MAPKAP1: variants seen among roughly 807,000 people sequenced by gnomAD.
MAPKAP1 encodes the protein target of rapamycin complex 2 subunit MAPKAP1.
In MAPKAP1, 20 loss-of-function variants were observed where a neutral mutation model predicts 65.7. The ratio of observed to expected loss-of-function variants is 0.30; its 90% CI spans 0.21 to 0.44. MAPKAP1 has a LOEUF of 0.44. Among genes scored for constraint, MAPKAP1 ranks in the 20% least tolerant of loss-of-function variants. The pLI is 1.00. For missense variants in MAPKAP1, 423 were observed against 648.0 expected (o/e 0.65, Z 3.77); for synonymous variants, 222 against 244.3 (o/e 0.91, Z 0.85).
intron 3 of MAPKAP1, among the ~76,000 whole-genome samples, chr9:125,665,336 T>G (rs781477781): frequency 6.6e-6 from 1 of 151,778 alleles, no homozygotes; most frequent in Non-Finnish European, 1.5e-5. Flanking sequence ...AAAAAAGAAA[T>G]AAATAAACTT....
At chr9:125,676,040 CA>C (rs1178069281) in intron 1 of MAPKAP1, among the ~76,000 whole-genome samples, 1 of 152,124 alleles carries the variant, frequency 6.6e-6, no homozygotes, top group Non-Finnish European at 1.5e-5. Context: ...CAAGGACATA[CA>C]TATCACGGAT....
chr9:125,459,389 C>G (rs1343871623), intron 10 of MAPKAP1, among the ~76,000 whole-genome samples: 1 of 151,406 alleles, frequency 6.6e-6, no homozygotes, highest in Non-Finnish European at 1.5e-5. Context: ...CAGGCAGAGA[C>G]GCTCCTCACT....
chr9:125,596,448 T>C (rs1400775711), intron 4 of MAPKAP1: 1 of 767,184 alleles, frequency 1.3e-6, no homozygotes, highest in Non-Finnish European at 2.3e-6. Flanking sequence ...GAAGCTACAA[T>C]GATTCTGGCA....
chr9:125,542,573 G>C (rs777891914), intron 7 of MAPKAP1, among the ~76,000 whole-genome samples: 1 of 151,930 alleles, frequency 6.6e-6, no homozygotes, highest in Non-Finnish European at 1.5e-5. Context: ...CACATCAAGT[G>C]ATTTGTCTTT....
At chr9:125,467,571 C>T (rs1853724856) in intron 10 of MAPKAP1, among the ~76,000 whole-genome samples, 1 of 152,176 alleles carries the variant, frequency 6.6e-6, no homozygotes. Flanking sequence ...TCCCCAGCTT[C>T]CCTCCATCTC....
chr9:125,698,317 A>G (rs1309927322), intron 1 of MAPKAP1, among the ~76,000 whole-genome samples: 2 of 86,802 alleles, frequency 2.3e-5, no homozygotes, highest in Admixed American at 1.4e-4. Context: ...ATATATATAT[A>G]TATATATATA....
At chr9:125,652,869 A>C (rs1833931529) in intron 4 of MAPKAP1, among the ~76,000 whole-genome samples, 1 of 152,148 alleles carries the variant, frequency 6.6e-6, no homozygotes, top group Non-Finnish European at 1.5e-5. Context: ...GACCGTTTTC[A>C]CCCTCTCTGC....
chr9:125,591,532 G>A (rs7855959), intron 4 of MAPKAP1, among the ~76,000 whole-genome samples: 1 of 151,886 alleles, frequency 6.6e-6, no homozygotes, highest in African/African-American at 2.4e-5. Flanking sequence ...AGAAAGTGGG[G>A]CAAAAACTAT....
intron 6 of MAPKAP1, among the ~76,000 whole-genome samples, chr9:125,549,857 T>C (rs1383476928): frequency 6.6e-6 from 1 of 152,206 alleles, no homozygotes; most frequent in East Asian, 1.9e-4. Flanking sequence ...AGGTGGGGGA[T>C]AATGAGGTCC....
chr9:125,637,310 T>C (rs981097430), intron 4 of MAPKAP1, among the ~76,000 whole-genome samples: 14 of 151,708 alleles, frequency 9.2e-5, no homozygotes, highest in African/African-American at 2.7e-4. Flanking sequence ...AAAAGTATAA[T>C]GTAAATGATG....
At position 125,693,592 on chromosome 9, in the gene MAPKAP1, TAC is replaced by T. The variant is rs1050749444; in HGVS notation, c.-70+13377_-70+13378del. On this transcript the variant is annotated intron_variant, in intron 1 of 11. Transcript: ENST00000265960. ...ACATACACACACATATATACACGTA[TAC>T]ACACACACATACACATATATACACA... Among the ~76,000 whole-genome samples, 57 of 149,756 alleles carry T rather than the reference TAC, an allele frequency of 3.8e-4. 3 individuals carry two copies. The highest frequency in any genetic ancestry group is 6.4e-4 in the South Asian group (3 of 4,718).
intron 6 of MAPKAP1, 189 bp downstream of exon 6, chr9:125,559,444 A>G: frequency 1.9e-6 from 1 of 524,934 alleles, no homozygotes; most frequent in South Asian, 2.8e-5. Flanking sequence ...CAGTCTGCGT[A>G]GCCTAGGTGC....
chr9:125,594,345 T>A (rs1373651722), intron 4 of MAPKAP1, among the ~76,000 whole-genome samples: 2 of 152,220 alleles, frequency 1.3e-5, no homozygotes, highest in Non-Finnish European at 2.9e-5. Flanking sequence ...GTCCCTCATA[T>A]CATTACTGAT....
chr9:125,452,718 C>T (rs1173400894), intron 10 of MAPKAP1, among the ~76,000 whole-genome samples: 1 of 151,872 alleles, frequency 6.6e-6, no homozygotes, highest in Admixed American at 6.6e-5. Context: ...ATGGAGAAAC[C>T]CTGTCTCTAC....
intron 8 of MAPKAP1, among the ~76,000 whole-genome samples, chr9:125,496,522 A>G (rs1280738938): frequency 6.6e-6 from 1 of 152,238 alleles, no homozygotes; most frequent in Non-Finnish European, 1.5e-5. Context: ...CTTAAGTCAC[A>G]TGATAGAAAT....
chr9:125,456,557 T>C (rs917166915), intron 10 of MAPKAP1, among the ~76,000 whole-genome samples: 1 of 152,200 alleles, frequency 6.6e-6, no homozygotes, highest in Non-Finnish European at 1.5e-5. Context: ...ATGAATAATA[T>C]AGCAGAAGCG....
chr9:125,583,606 T>C (rs1010310893), intron 5 of MAPKAP1, among the ~76,000 whole-genome samples: 2 of 152,230 alleles, frequency 1.3e-5, no homozygotes, highest in Non-Finnish European at 2.9e-5. Flanking sequence ...ATACTAATAC[T>C]ACCACTTATT....
At chr9:125,549,483 T>C (rs757697047) in intron 6 of MAPKAP1, among the ~76,000 whole-genome samples, 5 of 152,252 alleles carry the variant, frequency 3.3e-5, no homozygotes, top group Admixed American at 3.3e-4. Context: ...TACACTAGTG[T>C]GAATGCCACA....
At chr9:125,571,031 A>C (rs1831214472) in intron 5 of MAPKAP1, among the ~76,000 whole-genome samples, 1 of 152,178 alleles carries the variant, frequency 6.6e-6, no homozygotes, top group South Asian at 2.1e-4. Context: ...AATTGCATTT[A>C]ACATTAATAG....
Sources: gnomAD v4.1 joint callset for allele counts (sites outside exome capture counted in the v4.1 genomes callset) on GRCh38, gnomAD v4.1.1 for gene constraint, MANE v1.5 for transcripts, NCBI Gene and HGNC (gene_info 2026-07-23, HGNC 2026-07-21) for gene names.